The following PPHLN1 variants were observed in gnomAD, a reference collection of about 807,000 sequenced individuals.
PPHLN1 encodes periphilin-1.
Under a neutral mutation model 51.3 loss-of-function variants are expected in PPHLN1, and 29 were observed. That is an observed-to-expected ratio of 0.57 (90% CI 0.42 to 0.77). PPHLN1 has a LOEUF of 0.77. PPHLN1 is among the 30% of genes least tolerant of loss of function. The pLI, the probability that PPHLN1 is intolerant of heterozygous loss-of-function variation, is 0.00. For synonymous variants in PPHLN1, 147 were observed against 147.8 expected (o/e 0.99, Z 0.04); for missense variants, 436 against 438.4 (o/e 0.99, Z 0.05).
At chr12:42,371,438 A>G (rs1443207125) in intron 4 of PPHLN1, among the ~76,000 whole-genome samples, 2 of 152,148 alleles carry the variant, frequency 1.3e-5, no homozygotes, top group African/African-American at 4.8e-5. Context: ...TCTTAAATGC[A>G]TAGTCTCCTC....
At chr12:42,328,135 A>C (rs532448126) in intron 1 of PPHLN1, among the ~76,000 whole-genome samples, 181 of 152,130 alleles carry the variant, frequency 1.2e-3, no homozygotes, top group Non-Finnish European at 2.2e-3. Context: ...GTGGAGAATA[A>C]TAGGTTTTGA....
intron 2 of PPHLN1, among the ~76,000 whole-genome samples, chr12:42,346,745 A>G (rs2072393992): frequency 6.6e-6 from 1 of 152,160 alleles, no homozygotes; most frequent in South Asian, 2.1e-4. Flanking sequence ...TCATACCCTC[A>G]CCAACATTTG....
chr12:42,377,301 C>CTTTTTTTTTTT (rs11297368), intron 5 of PPHLN1, among the ~76,000 whole-genome samples: 1 of 105,000 alleles, frequency 9.5e-6, no homozygotes, highest in Non-Finnish European at 2.0e-5. Context: ...TTTTTTCTTT[C>CTTTTTTTTTTT]TTTTTTTTTT....
intron 9 of PPHLN1, among the ~76,000 whole-genome samples, chr12:42,440,311 G>T (rs1189193583): frequency 6.6e-6 from 1 of 152,026 alleles, no homozygotes; most frequent in Non-Finnish European, 1.5e-5. Flanking sequence ...GCAATTAATT[G>T]ACTTTTGTAT....
intron 9 of PPHLN1, among the ~76,000 whole-genome samples, chr12:42,437,876 T>C (rs1050302219): frequency 1.3e-5 from 2 of 152,214 alleles, no homozygotes; most frequent in Non-Finnish European, 2.9e-5. Context: ...TTATGATCTC[T>C]TTAGTGTCTA....
At chr12:42,402,998 G>A in intron 9 of PPHLN1, among the ~76,000 whole-genome samples, 1 of 152,176 alleles carries the variant, frequency 6.6e-6, no homozygotes, top group East Asian at 1.9e-4. Context: ...TTAGTGAAAT[G>A]TACAGTCTTG....
chr12:42,339,219 A>T (rs1006839956), intron 2 of PPHLN1, among the ~76,000 whole-genome samples: 5 of 152,198 alleles, frequency 3.3e-5, no homozygotes, highest in African/African-American at 1.2e-4. Context: ...TTGAGAGCAC[A>T]GGACCTGACC....
At chr12:42,447,012 C>T (rs532754730), downstream of PPHLN1, 1 of 175,568 alleles carries the variant, frequency 5.7e-6, no homozygotes, top group Admixed American at 5.9e-5. Context: ...TGAATAAATA[C>T]AAATGGTTCC....
intron 9 of PPHLN1, among the ~76,000 whole-genome samples, chr12:42,420,328 T>G (rs2080872371): frequency 6.6e-6 from 1 of 152,000 alleles, no homozygotes; most frequent in South Asian, 2.1e-4. Flanking sequence ...GTATACTTTT[T>G]TTTTTGAAAA....
Position 42,441,373 on chromosome 12 carries a change from A to G in PPHLN1, c.968A>G (p.Asp323Gly). 6.2e-7 allele frequency: 1 copy of G among 1,613,912 alleles called. No homozygotes were observed. The highest frequency in any genetic ancestry group is 8.5e-7 in the Non-Finnish European group (1 of 1,179,906). The stretch of plus-strand genomic sequence containing the variant: ...GTGGTGAAAATGCTGATTGAAAAAG[A>G]TCCTTCATTAGAAAAGTCTATACAG... The part of the protein sequence containing the change: ...GMVVKMLIEK[D>G]PSLEKSIQFA... Residue 323 changes from aspartate to glycine, a missense_variant, in exon 10 of 10, where the codon GAT (aspartate) becomes GGT (glycine). Coordinates refer to ENST00000358314, the MANE Select transcript of PPHLN1 (RefSeq NM_201439.2).
intron 9 of PPHLN1, among the ~76,000 whole-genome samples, chr12:42,408,238 G>T (rs1185143770): frequency 1.3e-5 from 2 of 151,934 alleles, no homozygotes; most frequent in African/African-American, 2.4e-5. Context: ...AGGTATGGTG[G>T]CTCACGCCTG....
rs61016692 is a variant in PPHLN1, at chr12:42,383,983, CAAAAAAAAA to C, written c.512-937_512-929del. On this transcript the variant is annotated intron_variant, in intron 5 of 9. Coordinates refer to ENST00000358314, the MANE Select transcript of PPHLN1 (RefSeq NM_201439.2). ...TGGGCAACAGAGTGAGACTGTGTCT[CAAAAAAAAA>C]AAAAAAAAAAAAAAAAAAAGCAAGA... Among the ~76,000 whole-genome samples, 321 of 51,640 alleles carry C rather than the reference CAAAAAAAAA, an allele frequency of 6.2e-3. 1 individual carries two copies. The highest frequency in any genetic ancestry group is 0.011 in the Non-Finnish European group (273 of 24,742). The allele number at this position is 51,640 out of a possible 152,430, so 33.9% of individuals were successfully genotyped here.
At chr12:42,339,608 A>G (rs569393191) in intron 2 of PPHLN1, among the ~76,000 whole-genome samples, 1 of 152,334 alleles carries the variant, frequency 6.6e-6, no homozygotes, top group Non-Finnish European at 1.5e-5. Context: ...TTAAACCTAT[A>G]AATAAAATGC....
downstream of PPHLN1, chr12:42,447,954 T>G (rs1464598931): frequency 1.3e-5 from 2 of 152,228 alleles, no homozygotes; most frequent in East Asian, 3.8e-4. Flanking sequence ...TAAGCCAAGC[T>G]AAATCCCACA....
chr12:42,446,859 G>A (rs991812156), downstream of PPHLN1: 2 of 437,742 alleles, frequency 4.6e-6, no homozygotes, highest in Admixed American at 7.2e-5. Flanking sequence ...AGGTAGCAAG[G>A]GAGTGTAAAG....
intron 3 of PPHLN1, among the ~76,000 whole-genome samples, chr12:42,354,368 G>A (rs1463229447): frequency 2.0e-5 from 3 of 152,016 alleles, no homozygotes; most frequent in South Asian, 2.1e-4. Flanking sequence ...ATAGGTGCAC[G>A]CCACCGTGCC....
intron 3 of PPHLN1, 25 bp from the exon 4 acceptor site, chr12:42,355,136 G>T: frequency 6.2e-7 from 1 of 1,609,624 alleles, no homozygotes; most frequent in South Asian, 1.1e-5. Flanking sequence ...TAAACAAATA[G>T]CTAAGTAGCT....
chr12:42,423,623 C>T (rs2081187036), intron 9 of PPHLN1, among the ~76,000 whole-genome samples: 1 of 151,964 alleles, frequency 6.6e-6, no homozygotes, highest in Non-Finnish European at 1.5e-5. Context: ...GTAGCAATAG[C>T]TATATTTTCA....
At chr12:42,414,847 G>A (rs1195429922) in intron 9 of PPHLN1, among the ~76,000 whole-genome samples, 2 of 152,146 alleles carry the variant, frequency 1.3e-5, no homozygotes, top group African/African-American at 4.8e-5. Context: ...ATTTCTAGAA[G>A]TTCAATTTGG....
Sources: allele counts gnomAD v4.1 joint callset (sites outside exome capture counted in the v4.1 genomes callset), GRCh38; gene constraint gnomAD v4.1.1; transcripts MANE v1.5; gene names NCBI Gene and HGNC (gene_info 2026-07-23, HGNC 2026-07-21).